The following ARHGEF12 variants were observed in gnomAD, a reference collection of about 807,000 sequenced individuals.
ARHGEF12 encodes the protein Rho guanine nucleotide exchange factor 12.
A neutral mutation model predicts 211.2 loss-of-function variants in ARHGEF12; 66 were observed. The observed-to-expected ratio is 0.31, with a 90% CI of 0.26 to 0.38. The LOEUF is 0.38. Among genes scored for constraint, ARHGEF12 ranks in the 10% least tolerant of loss-of-function variants. The pLI, the probability that ARHGEF12 is intolerant of heterozygous loss-of-function variation, is 1.00. For missense variants in ARHGEF12, 1,429 were observed against 1,869.5 expected (o/e 0.76, Z 4.34); for synonymous variants, 592 against 638.4 (o/e 0.93, Z 1.09).
Position 120,488,819 on chromosome 11 carries a change from T to C in ARHGEF12, c.*3742T>C, listed in dbSNP as rs1323118270. On this transcript the variant is annotated 3_prime_UTR_variant, in exon 41 of 41. Coordinates refer to ENST00000397843, the MANE Select transcript of ARHGEF12 (RefSeq NM_015313.3). ...ATCTTTAAAAAAACTTTATTAATAA[T>C]CATGTATTTTTACTGATCACATTTT... 5 of 209,026 alleles carry C rather than the reference T, an allele frequency of 2.4e-5. No homozygotes were observed. Among genetic ancestry groups the C allele is most frequent in the Non-Finnish European group, 4.9e-5 (5 of 102,614 alleles). The allele number at this position is 209,026 out of a possible 1,614,324, so 12.9% of individuals were successfully genotyped here. A position where few individuals can be genotyped will look rare whatever the true frequency, so the allele number is the denominator to read the frequency against.
rs1446138505 is a variant in ARHGEF12, at chr11:120,351,451, A to T, written c.32+14176A>T. On this transcript the variant is annotated intron_variant, in intron 1 of 40. Transcript: ENST00000397843. Reference sequence around the variant, plus strand: ...TATATATATATATATATATATATATATATATTTTTTTTTTTTTTTTTTTTT... The same window carrying T: ...TATATATATATATATATATATATATTTATATTTTTTTTTTTTTTTTTTTTT... 0.048 allele frequency among the ~76,000 whole-genome samples: 167 copies of T among 3,486 alleles called. 14 individuals are homozygous for T. The South Asian group carries it at 0.48, about 10-fold the overall frequency. 2.3% of individuals were successfully genotyped at this position (3,486 alleles called of 152,430 possible). A position where few individuals can be genotyped will look rare whatever the true frequency, so the allele number is the denominator to read the frequency against.
rs143778805 is a variant in ARHGEF12, at chr11:120,435,196, T to G, written c.925-2112T>G. On this transcript the variant is annotated intron_variant, in intron 11 of 40. Transcript: ENST00000397843. ...ATAATAGTTTCCTTCTTTTTTTTCC[T>G]TGGCCATTTGTTGTTGTGGTTGTTG... Among the ~76,000 whole-genome samples, 1,484 of 152,212 alleles carry G rather than the reference T, an allele frequency of 9.7e-3. 23 individuals carry two copies. The highest frequency in any genetic ancestry group is 0.013 in the Non-Finnish European group (863 of 68,014).
rs776281342 is a variant in ARHGEF12 at position 120,476,747 on chromosome 11, G to C, written c.3364G>C (p.Val1122Leu). The change falls in exon 34 of 41, where the codon GTC (valine) becomes CTC (leucine). Residue 1122 changes from valine (V) to leucine (L), a missense_variant and splice_region_variant. This residue lies in a region of ARHGEF12 where 223 missense variants were observed against 444.6 expected (regional missense o/e 0.50). Transcript: ENST00000397843. ...LVAQTVSEKT[V>L]WQDLICRMAA... ...GGCACAGACAGTTTCTGAAAAGACT[G>C]TGTATGTATCAGATATGGCTACCTT... is the stretch of plus-strand genomic sequence containing the variant. 5 of 1,607,994 alleles carry C rather than the reference G, an allele frequency of 3.1e-6. No homozygotes were observed. Among genetic ancestry groups the C allele is most frequent in the Non-Finnish European group, 4.3e-6 (5 of 1,175,414 alleles).
chr11:120,477,187 T>C (rs780022918), intron 34 of ARHGEF12, 32 bp from the exon 35 acceptor site: 9 of 1,602,650 alleles, frequency 5.6e-6, no homozygotes, highest in Non-Finnish European at 7.7e-6. Flanking sequence ...TTTTCTTTTT[T>C]GTATTTTGGA....
intron 4 of ARHGEF12, among the ~76,000 whole-genome samples, chr11:120,414,643 A>G (rs565035717): frequency 3.0e-4 from 45 of 152,312 alleles, no homozygotes; most frequent in African/African-American, 1.0e-3. Context: ...CCATTACTCT[A>G]TATGCACTTA....
chr11:120,415,152 A>C (rs2135626005), intron 4 of ARHGEF12, among the ~76,000 whole-genome samples: 1 of 152,330 alleles, frequency 6.6e-6, no homozygotes, highest in Admixed American at 6.5e-5. Context: ...GAAAAAGTAA[A>C]AGTGATGAAA....
intron 1 of ARHGEF12, among the ~76,000 whole-genome samples, chr11:120,344,281 A>AAAAAAAC (rs1204224463): frequency 6.6e-6 from 1 of 151,242 alleles, no homozygotes; most frequent in African/African-American, 2.4e-5. Flanking sequence ...AAAAAAAAAA[A>AAAAAAAC]AAAAAAAAAA....
rs192063339 is a variant in ARHGEF12 at position 120,407,283 on chromosome 11, A to G, written c.57-455A>G. Among the ~76,000 whole-genome samples, 406 of 152,342 alleles carry G rather than the reference A, an allele frequency of 2.7e-3. 3 individuals are homozygous for G. Among genetic ancestry groups the G allele is most frequent in the African/African-American group, 9.3e-3 (385 of 41,588 alleles). On this transcript the variant is annotated intron_variant, in intron 2 of 40. Transcript: ENST00000397843. ...TGGCTAGAACTACATCAGCAGGCTT[A>G]AAATGAGGCTTGCCTAAGGCTGCTT...
At chr11:120,382,135 C>G (rs1301778715) in intron 1 of ARHGEF12, among the ~76,000 whole-genome samples, 1 of 152,166 alleles carries the variant, frequency 6.6e-6, no homozygotes, top group Non-Finnish European at 1.5e-5. Flanking sequence ...AGGAGTAAAG[C>G]TGCTGTAAAT....
chr11:120,451,795 G>A (rs968052008), intron 22 of ARHGEF12, 71 bp downstream of exon 22: 1 of 1,399,462 alleles, frequency 7.1e-7, no homozygotes, highest in Admixed American at 2.1e-5. Flanking sequence ...CTGAAAAATA[G>A]AGTGGCAAGT....
intron 1 of ARHGEF12, among the ~76,000 whole-genome samples, chr11:120,342,488 C>T (rs567626186): frequency 5.5e-4 from 83 of 152,248 alleles, no homozygotes; most frequent in African/African-American, 1.9e-3. Context: ...TTATCCTTTC[C>T]GGTCCCCTTC....
intron 1 of ARHGEF12, among the ~76,000 whole-genome samples, chr11:120,401,310 T>C (rs1944542238): frequency 6.6e-6 from 1 of 152,220 alleles, no homozygotes; most frequent in Admixed American, 6.5e-5. Flanking sequence ...TCTGTGAATC[T>C]TACTGTCCAG....
At chr11:120,421,563 G>C (rs760762660) in intron 5 of ARHGEF12, among the ~76,000 whole-genome samples, 5 of 150,366 alleles carry the variant, frequency 3.3e-5, no homozygotes, top group African/African-American at 4.9e-5. Context: ...TCAGCCTGCC[G>C]AGCAGCTGGG....
At chr11:120,438,691 C>CT (rs1161483248) in intron 12 of ARHGEF12, 1 of 152,210 alleles carries the variant, frequency 6.6e-6, no homozygotes, top group African/African-American at 2.4e-5. Flanking sequence ...CTTTGCTGAA[C>CT]TCCATCCAGA....
Position 120,362,325 on chromosome 11 carries a change from T to C in ARHGEF12, c.32+25050T>C, listed in dbSNP as rs142812052. Among the ~76,000 whole-genome samples the C allele has an allele frequency of 2.0e-3, 307 of 152,276 alleles. 7 individuals are homozygous for C. In the Middle Eastern group the frequency reaches 0.024, roughly 12 times the overall value. On this transcript the variant is annotated intron_variant, in intron 1 of 40. Coordinates refer to ENST00000397843, the MANE Select transcript of ARHGEF12 (RefSeq NM_015313.3). ...CAATAGTTTCAATACTAAGTTGAAA[T>C]TACTTAGCTAACCTCAATTTAATGG...
chr11:120,344,969 T>C (rs1169394369), intron 1 of ARHGEF12, among the ~76,000 whole-genome samples: 1 of 152,206 alleles, frequency 6.6e-6, no homozygotes, highest in Non-Finnish European at 1.5e-5. Flanking sequence ...TTCCTTTCTT[T>C]CAATGCTCCT....
intron 1 of ARHGEF12, among the ~76,000 whole-genome samples, chr11:120,369,112 ATCT>A (rs963281306): frequency 6.7e-6 from 1 of 148,682 alleles, no homozygotes; most frequent in Non-Finnish European, 1.5e-5. Context: ...ATATTCTCAA[ATCT>A]TCTTTTCTTC....
chr11:120,476,818 C>G (rs1947045754), intron 34 of ARHGEF12, 70 bp downstream of exon 34: 2 of 1,269,726 alleles, frequency 1.6e-6, no homozygotes. Flanking sequence ...ATTCCATAAA[C>G]TTAACTTTGT....
At chr11:120,354,075 T>G (rs748874097) in intron 1 of ARHGEF12, among the ~76,000 whole-genome samples, 16 of 151,978 alleles carry the variant, frequency 1.1e-4, no homozygotes, top group Non-Finnish European at 2.1e-4. Flanking sequence ...CCTCAGAGAC[T>G]AGGGGTGCAG....
Sources: allele counts gnomAD v4.1 joint callset (sites outside exome capture counted in the v4.1 genomes callset), GRCh38; gene constraint gnomAD v4.1.1; regional missense constraint gnomAD v4.1.1; transcripts MANE v1.5; gene names NCBI Gene and HGNC (gene_info 2026-07-23, HGNC 2026-07-21).